GPR35: variants seen among roughly 807,000 people sequenced by gnomAD.
GPR35 encodes G protein-coupled receptor 35.
For missense variants in GPR35, 372 were observed against 422.5 expected (o/e 0.88, Z 1.05); for synonymous variants, 207 against 198.4 (o/e 1.04, Z -0.36).
At chr2:240,619,751 C>G (rs752411034) in intron 5 of GPR35, among the ~76,000 whole-genome samples, 1 of 152,256 alleles carries the variant, frequency 6.6e-6, no homozygotes, top group African/African-American at 2.4e-5. Context: ...CTCCCCCAAC[C>G]GGAGGTCTCC....
At chr2:240,612,683 A>G (rs1343065735) in intron 2 of GPR35, among the ~76,000 whole-genome samples, 1 of 152,222 alleles carries the variant, frequency 6.6e-6, no homozygotes, top group Non-Finnish European at 1.5e-5. Flanking sequence ...AATTTGCAAG[A>G]CTGGCCTGAG....
intron 2 of GPR35, among the ~76,000 whole-genome samples, chr2:240,610,730 G>A (rs2043174806): frequency 6.6e-6 from 1 of 151,784 alleles, no homozygotes; most frequent in Non-Finnish European, 1.5e-5. Context: ...CACCTCCCTG[G>A]TTCAAGTGAT....
chr2:240,606,422 T>C (rs1247836032), exon 2 of GPR35: 1 of 152,356 alleles, frequency 6.6e-6, no homozygotes, highest in Non-Finnish European at 1.5e-5. Flanking sequence ...CCAAGCCCTC[T>C]GAGGACATCA....
At chr2:240,625,454 C>T (rs1264579340), upstream of GPR35, 1 of 985,742 alleles carries the variant, frequency 1.0e-6, no homozygotes, top group Non-Finnish European at 1.2e-6. Flanking sequence ...AGGGACCAGC[C>T]CTGAGGGGTG....
intron 2 of GPR35, among the ~76,000 whole-genome samples, chr2:240,610,044 C>G (rs747510445): frequency 7.9e-5 from 12 of 152,118 alleles, no homozygotes; most frequent in Middle Eastern, 6.8e-3. Context: ...ACTGCAACCT[C>G]CGCCTCCTGG....
In GPR35 at chr2:240,632,534, G is replaced by A. The variant is rs77983700; in HGVS notation, c.*1652G>A. On this transcript the variant is annotated 3_prime_UTR_variant, in exon 2 of 2. Transcript: ENST00000407714. The stretch of plus-strand genomic sequence containing the variant: ...TGTCAAGGAGGTTCCATGCCCAGGA[G>A]GGTCCATGCTGAGGTGGGTCCATGC... 2.0e-4 allele frequency among the ~76,000 whole-genome samples: 31 copies of A among 151,604 alleles called. No individual in the cohort carries two copies. The highest frequency in any genetic ancestry group is 3.5e-4 in the Non-Finnish European group (24 of 67,798).
chr2:240,618,251 T>C (rs2043258620), intron 4 of GPR35, among the ~76,000 whole-genome samples: 2 of 152,234 alleles, frequency 1.3e-5, no homozygotes, highest in Admixed American at 6.5e-5. Flanking sequence ...ACACACAATA[T>C]TTTCAAAATG....
At chr2:240,625,207 C>T (rs2043354941), upstream of GPR35, 2 of 928,006 alleles carry the variant, frequency 2.2e-6, no homozygotes, top group Non-Finnish European at 2.6e-6. Flanking sequence ...GGGGCTGGAG[C>T]GTCTCTGGTT....
chr2:240,614,878 A>G (rs1192001978), intron 2 of GPR35, among the ~76,000 whole-genome samples: 1 of 146,898 alleles, frequency 6.8e-6, no homozygotes, highest in Non-Finnish European at 1.5e-5. Flanking sequence ...TAGTATCTAT[A>G]TATATGTGTA....
upstream of GPR35, among the ~76,000 whole-genome samples, chr2:240,623,201 G>A (rs1407801505): frequency 6.6e-6 from 1 of 152,242 alleles, no homozygotes; most frequent in Non-Finnish European, 1.5e-5. Flanking sequence ...AGGGCAGGAA[G>A]CAGATAGAGT....
chr2:240,626,807 C>T (rs1258143779), intron 1 of GPR35, among the ~76,000 whole-genome samples: 1 of 152,136 alleles, frequency 6.6e-6, no homozygotes, highest in Non-Finnish European at 1.5e-5. Flanking sequence ...GGCCTGTGGT[C>T]TCAATCCCAG....
At chr2:240,622,407 C>T (rs1032023707), upstream of GPR35, among the ~76,000 whole-genome samples, 3 of 152,176 alleles carry the variant, frequency 2.0e-5, no homozygotes, top group Non-Finnish European at 4.4e-5. Context: ...CCTGACATCG[C>T]CTCACAGACT....
chr2:240,616,318 G>T, intron 2 of GPR35: 3 of 698,430 alleles, frequency 4.3e-6, no homozygotes, highest in Non-Finnish European at 7.8e-6. Flanking sequence ...GGTCCCCGCG[G>T]TCCCGGCCGA....
chr2:240,612,462 A>G (rs1357817368), intron 2 of GPR35, among the ~76,000 whole-genome samples: 1 of 147,660 alleles, frequency 6.8e-6, no homozygotes, highest in African/African-American at 2.5e-5. Flanking sequence ...CTAGGGACTT[A>G]CTGACTTGGC....
At chr2:240,614,801 AGTGT>A (rs896947371) in intron 2 of GPR35, among the ~76,000 whole-genome samples, 1 of 152,006 alleles carries the variant, frequency 6.6e-6, no homozygotes, top group African/African-American at 2.4e-5. Flanking sequence ...AGCTTATCAG[AGTGT>A]GTGTGTATGT....
chr2:240,621,248 CTTAT>C (rs58540256), upstream of GPR35, among the ~76,000 whole-genome samples: 3 of 151,350 alleles, frequency 2.0e-5, no homozygotes, highest in South Asian at 4.2e-4. Context: ...TGTTTTATTT[CTTAT>C]TTATTTATTT....
At chr2:240,623,262 C>A (rs1559437379), upstream of GPR35, among the ~76,000 whole-genome samples, 1 of 152,094 alleles carries the variant, frequency 6.6e-6, no homozygotes, top group Non-Finnish European at 1.5e-5. Flanking sequence ...AAAATAAGTT[C>A]TGTGATAAAA....
In GPR35 at chr2:240,617,446, G is replaced by A. The variant is rs141298260; in HGVS notation, c.-149+53G>A. ...CTGACAATGCACAGCTAAAATAATA[G>A]ATAATTAACCCTAATGCTAGTTTCA... On this transcript the variant is annotated intron_variant, in intron 4 of 5. Coordinates refer to the GPR35 transcript ENST00000319838. The A allele has an allele frequency of 4.1e-3, 2,351 of 573,626 alleles. 27 individuals are homozygous for A. Among genetic ancestry groups the A allele is most frequent in the African/African-American group, 0.036 (1,913 of 53,494 alleles). The allele number at this position is 573,626 out of a possible 1,614,324, so 35.5% of individuals were successfully genotyped here. A position where few individuals can be genotyped will look rare whatever the true frequency, so the allele number is the denominator to read the frequency against.
chr2:240,616,925 A>T (rs1198025420), intron 3 of GPR35: 1 of 769,472 alleles, frequency 1.3e-6, no homozygotes, highest in South Asian at 1.4e-5. Context: ...ACCAGGGAAG[A>T]TTTGGGGTCC....
Sources: allele counts gnomAD v4.1 joint callset (sites outside exome capture counted in the v4.1 genomes callset), GRCh38; gene constraint gnomAD v4.1.1; transcripts MANE v1.5; gene names NCBI Gene and HGNC (gene_info 2026-07-23, HGNC 2026-07-21).